Variants in MIPOL1 observed in about 807,000 individuals in gnomAD.
MIPOL1 encodes mirror-image polydactyly gene 1 protein.
Under a neutral mutation model 60.9 loss-of-function variants are expected in MIPOL1, and 57 were observed. The ratio of observed to expected loss-of-function variants is 0.94; its 90% CI spans 0.76 to 1.17. The LOEUF is 1.17. MIPOL1 is among the 50% of genes most tolerant of loss of function. The probability of loss-of-function intolerance (pLI) is 0.00; values close to 1 mark genes in which losing one functional copy is unlikely to be tolerated. For missense variants in MIPOL1, 551 were observed against 511.6 expected (o/e 1.08, Z -0.74); for synonymous variants, 179 against 168.8 (o/e 1.06, Z -0.47).
At chr14:37,360,284 T>G (rs750169361) in intron 9 of MIPOL1, among the ~76,000 whole-genome samples, 44 of 152,208 alleles carry the variant, frequency 2.9e-4, no homozygotes, top group Admixed American at 3.9e-4. Context: ...AAATTCCCTT[T>G]TTTTGTTGTG....
At chr14:37,328,524 A>T (rs2089398683) in intron 9 of MIPOL1, among the ~76,000 whole-genome samples, 1 of 152,150 alleles carries the variant, frequency 6.6e-6, no homozygotes, top group East Asian at 1.9e-4. Context: ...AATGAAATTT[A>T]AAAAAATATG....
At chr14:37,468,366 C>T (rs987102080) in intron 11 of MIPOL1, among the ~76,000 whole-genome samples, 3 of 152,166 alleles carry the variant, frequency 2.0e-5, no homozygotes, top group Admixed American at 6.5e-5. Flanking sequence ...GTCAATGTAA[C>T]ATCCCCTTCC....
intron 10 of MIPOL1, among the ~76,000 whole-genome samples, chr14:37,393,166 A>G (rs2093290153): frequency 6.6e-6 from 1 of 152,102 alleles, no homozygotes; most frequent in African/African-American, 2.4e-5. Flanking sequence ...AGAGAGGCAC[A>G]GAAGATTCCC....
At chr14:37,439,942 T>TC (rs1429922334) in intron 11 of MIPOL1, among the ~76,000 whole-genome samples, 1 of 152,230 alleles carries the variant, frequency 6.6e-6, no homozygotes, top group African/African-American at 2.4e-5. Flanking sequence ...CACTGCAGCC[T>TC]CCCCCTCCAA....
At chr14:37,442,761 G>A (rs988526933) in intron 11 of MIPOL1, among the ~76,000 whole-genome samples, 1 of 151,544 alleles carries the variant, frequency 6.6e-6, no homozygotes, top group African/African-American at 2.4e-5. Context: ...AAATACTTTG[G>A]GATAAATGTA....
intron 12 of MIPOL1, chr14:37,502,296 A>C (rs910441932): frequency 1.3e-5 from 2 of 152,328 alleles, no homozygotes; most frequent in Non-Finnish European, 2.9e-5. Flanking sequence ...TGCCTCCTCA[A>C]GTGGGTCCCT....
chr14:37,441,965 T>C (rs1381733669), intron 11 of MIPOL1, among the ~76,000 whole-genome samples: 1 of 152,162 alleles, frequency 6.6e-6, no homozygotes, highest in African/African-American at 2.4e-5. Context: ...TAATTCCCCT[T>C]GTAGAGATCT....
intron 11 of MIPOL1, among the ~76,000 whole-genome samples, chr14:37,451,741 G>A (rs1454404952): frequency 6.6e-6 from 1 of 151,140 alleles, no homozygotes; most frequent in Non-Finnish European, 1.5e-5. Flanking sequence ...ATGTTCTGCT[G>A]AATTGTATTT....
At chr14:37,239,105 A>G (rs1335672982) in intron 1 of MIPOL1, among the ~76,000 whole-genome samples, 1 of 142,916 alleles carries the variant, frequency 7.0e-6, no homozygotes, top group Non-Finnish European at 1.5e-5. Flanking sequence ...GCTGGAGTGC[A>G]GTGGCGCTCG....
At chr14:37,384,529 T>C (rs2093014269) in intron 10 of MIPOL1, among the ~76,000 whole-genome samples, 1 of 151,806 alleles carries the variant, frequency 6.6e-6, no homozygotes, top group Non-Finnish European at 1.5e-5. Context: ...TTAAAAAAAA[T>C]TATCAAATAT....
chr14:37,451,165 A>C (rs986844604), intron 11 of MIPOL1, among the ~76,000 whole-genome samples: 2 of 152,152 alleles, frequency 1.3e-5, no homozygotes, highest in Non-Finnish European at 2.9e-5. Flanking sequence ...GGAGTTATTG[A>C]CACCTCTTCC....
chr14:37,545,952 C>G (rs1269976460), intron 12 of MIPOL1: 1 of 276,002 alleles, frequency 3.6e-6, no homozygotes, highest in African/African-American at 2.2e-5. Context: ...AACTGCTAGG[C>G]ATGATATTTA....
At chr14:37,294,479 A>G (rs2085424199) in intron 7 of MIPOL1, among the ~76,000 whole-genome samples, 1 of 152,206 alleles carries the variant, frequency 6.6e-6, no homozygotes, top group Admixed American at 6.5e-5. Context: ...ACGAATTGAG[A>G]GAGGAAGGCT....
rs140263087 is a variant in MIPOL1 at position 37,237,636 on chromosome 14, C to G, written c.-198-9467C>G. On this transcript the variant is annotated intron_variant, in intron 1 of 12. Transcript: ENST00000684589. ...GTTTTATTGTTGTTGTTTGTAGAGG[C>G]TGGGTCTTGTGTTGCTCAGGCTGGT... Among the ~76,000 whole-genome samples, 24 of 152,218 alleles carry G rather than the reference C, an allele frequency of 1.6e-4. 2 individuals carry two copies. Among genetic ancestry groups the G allele is most frequent in the African/African-American group, 5.8e-4 (24 of 41,532 alleles).
chr14:37,338,398 C>T (rs533176792), intron 9 of MIPOL1, among the ~76,000 whole-genome samples: 1 of 119,636 alleles, frequency 8.4e-6, no homozygotes, highest in South Asian at 3.0e-4. Context: ...GCGTGAACCA[C>T]CGCGCCTGGC....
At chr14:37,379,141 G>A (rs1406132618) in intron 10 of MIPOL1, among the ~76,000 whole-genome samples, 1 of 151,978 alleles carries the variant, frequency 6.6e-6, no homozygotes, top group Non-Finnish European at 1.5e-5. Context: ...AGAATTGAGA[G>A]TCCAGAACTC....
intron 11 of MIPOL1, among the ~76,000 whole-genome samples, chr14:37,428,172 CA>C (rs1197886053): frequency 6.6e-6 from 1 of 152,124 alleles, no homozygotes; most frequent in East Asian, 1.9e-4. Context: ...TGTGAAGCAG[CA>C]AAAGAGAAAA....
In MIPOL1 at chr14:37,422,903, T is replaced by A; in HGVS notation, c.985T>A (p.Tyr329Asn). ...AGCCAGAGAAACTGCAGTTCAACAGTACAAAAAACTGGAAGAGGAAATCCA... is the reference window on the plus strand; with the variant it reads ...AGCCAGAGAAACTGCAGTTCAACAGAACAAAAAACTGGAAGAGGAAATCCA... ...QQARETAVQQ[Y>N]KKLEEEIQTL... The change falls in exon 11 of 13, where the codon TAC becomes AAC. Residue 329 changes from tyrosine (Y) to asparagine (N), a missense_variant. Coordinates refer to ENST00000684589, the MANE Select transcript of MIPOL1 (RefSeq NM_001388067.1). The A allele has an allele frequency of 6.2e-7, 1 of 1,609,484 alleles. No homozygotes were observed. Among genetic ancestry groups the A allele is most frequent in the South Asian group, 1.1e-5 (1 of 90,508 alleles).
At chr14:37,481,694 A>G (rs185919158) in intron 11 of MIPOL1, among the ~76,000 whole-genome samples, 1 of 152,120 alleles carries the variant, frequency 6.6e-6, no homozygotes, top group Admixed American at 6.6e-5. Context: ...ATAATACAAC[A>G]GAGCTGTAGC....
Sources: gnomAD v4.1 joint callset for allele counts (sites outside exome capture counted in the v4.1 genomes callset) on GRCh38, gnomAD v4.1.1 for gene constraint, MANE v1.5 for transcripts, NCBI Gene and HGNC (gene_info 2026-07-23, HGNC 2026-07-21) for gene names.